PALB2: variants seen among roughly 807,000 people sequenced by gnomAD.
PALB2 encodes the protein mutant partner and localizer of BRCA2.
A neutral mutation model predicts 107.4 loss-of-function variants in PALB2; 82 were observed. The observed-to-expected ratio is 0.76, with a 90% CI of 0.64 to 0.92. PALB2 has a LOEUF of 0.92. PALB2 is among the 40% of genes least tolerant of loss of function. The probability of loss-of-function intolerance (pLI) is 0.00; values close to 1 mark genes in which losing one functional copy is unlikely to be tolerated. For missense variants in PALB2, 1,374 were observed against 1,379.9 expected (o/e 1.00, Z 0.07); for synonymous variants, 489 against 496.8 (o/e 0.98, Z 0.21).
Position 23,615,393 on chromosome 16 carries a change from C to G in PALB2, c.3114-1302G>C, listed in dbSNP as rs550790976. ...GATCATGACTCACCGTAGCCTTGAC[C>G]TCTGAGGCTCAAGCGATCCTCCCAC... On this transcript the variant is annotated intron_variant, in intron 10 of 12. Transcript: ENST00000261584. 7.2e-5 allele frequency among the ~76,000 whole-genome samples: 11 copies of G among 152,200 alleles called. No homozygotes were observed. In the East Asian group the frequency reaches 2.1e-3, roughly 29 times the overall value.
chr16:23,608,680 GGGT>G (rs1463531652), intron 11 of PALB2, among the ~76,000 whole-genome samples: 3 of 151,826 alleles, frequency 2.0e-5, no homozygotes, highest in Non-Finnish European at 2.9e-5. Context: ...CTATGAATAA[GGGT>G]GACCAAAAAA....
rs587782483 is a variant in PALB2, at chr16:23,641,148, G to A, written c.10C>T (p.Pro4Ser). The A allele has an allele frequency of 2.5e-6, 4 of 1,613,078 alleles. No individual in the cohort carries two copies. The highest frequency in any genetic ancestry group is 3.4e-6 in the Non-Finnish European group (4 of 1,179,816). MDE[P>S]PGKPLSCEEK... ...TCACAGCTGAGGGGCTTCCCGGGAG[G>A]CTCGTCCATCGGGCAGGCGACAGAA... Residue 4 changes from proline to serine, a missense_variant, in exon 1 of 13, where the codon CCT becomes TCT. Physicochemically the swap from Pro to Ser is moderately conservative, Grantham distance 74. Transcript: ENST00000261584.
chr16:23,620,693 A>C (rs1487042997), intron 10 of PALB2, among the ~76,000 whole-genome samples: 2 of 152,248 alleles, frequency 1.3e-5, no homozygotes, highest in Admixed American at 1.3e-4. Context: ...TTTAGTTTTA[A>C]ATAGTCTACT....
Position 23,629,787 on chromosome 16 carries a change from C to T in PALB2, c.2367G>A (p.Leu789=), listed in dbSNP as rs780985758. The T allele has an allele frequency of 6.2e-7, 1 of 1,614,180 alleles. No individual in the cohort carries two copies. Residue 789 remains leucine, a synonymous_variant, in exon 5 of 13, where the codon CTG becomes CTA. Transcript: ENST00000261584. ...SGSPAKPHTT[L]QVSGRQGQPT... ...GTTGTCCTTGCCTGCCTGACACTTG[C>T]AGGGTGGTATGTGGTTTTGCTGGGC... is the stretch of plus-strand genomic sequence containing the variant.
chr16:23,630,575 A>G (rs1567219071), intron 4 of PALB2, 106 bp from the exon 5 acceptor site: 2 of 932,184 alleles, frequency 2.1e-6, no homozygotes, highest in East Asian at 2.6e-5. Flanking sequence ...TAAAAGAAAC[A>G]TTTTAATGAA....
chr16:23,640,683 C>CA, intron 1 of PALB2: 1 of 251,760 alleles, frequency 4.0e-6, no homozygotes, highest in East Asian at 5.8e-5. Flanking sequence ...TTCCCTTCTC[C>CA]AAAAAATATA....
At chr16:23,638,181 G>C (rs2142461899) in intron 1 of PALB2, 52 bp from the exon 2 acceptor site, 1 of 1,468,284 alleles carries the variant, frequency 6.8e-7, no homozygotes. Flanking sequence ...GGTGGAGTCA[G>C]AGGGAAGGGA....
chr16:23,619,870 C>G (rs1049342714), intron 10 of PALB2, among the ~76,000 whole-genome samples: 1 of 152,066 alleles, frequency 6.6e-6, no homozygotes, highest in Admixed American at 6.6e-5. Context: ...ACCTCCGCCT[C>G]CTGGGTTCAA....
intron 11 of PALB2, among the ~76,000 whole-genome samples, chr16:23,612,325 CT>C (rs1555458669): frequency 6.6e-6 from 1 of 151,972 alleles, no homozygotes; most frequent in Non-Finnish European, 1.5e-5. Context: ...TCAAGCAATT[CT>C]TCCTGCCTCA....
intron 11 of PALB2, 143 bp downstream of exon 11, chr16:23,613,861 T>G (rs1966630285): frequency 1.5e-6 from 1 of 684,286 alleles, no homozygotes; most frequent in South Asian, 1.6e-5. Flanking sequence ...CATCCTAAAT[T>G]TCAAGAAAGG....
chr16:23,614,103 A>C lies in PALB2; in HGVS notation c.3114-12T>G. 1 of 1,550,326 alleles carries C rather than the reference A, an allele frequency of 6.5e-7. No homozygotes were observed. The highest frequency in any genetic ancestry group is 8.9e-7 in the Non-Finnish European group (1 of 1,123,004). ...CAGTTTTTAAATTCCTTAGATAACA[A>C]AAATAAATAAGCTGATCACATTCTT... On this transcript the variant is annotated splice_polypyrimidine_tract_variant and intron_variant, in intron 10 of 12. Coordinates refer to ENST00000261584, the MANE Select transcript of PALB2 (RefSeq NM_024675.4).
chr16:23,614,776 G>T lies in PALB2; in HGVS notation c.3114-685C>A, dbSNP rs112036598. ...CGCCATTCTCCTGCCTCAGCCTCCC[G>T]AGTAGCTGGGACTACAGGCGCCCGC... On this transcript the variant is annotated intron_variant, in intron 10 of 12. Transcript: ENST00000261584. 3.7e-4 allele frequency among the ~76,000 whole-genome samples: 53 copies of T among 143,996 alleles called. 1 individual carries two copies. In the East Asian group the frequency reaches 8.2e-3, roughly 22 times the overall value. 94.5% of individuals were successfully genotyped at this position (143,996 alleles called of 152,430 possible). A position where few individuals can be genotyped will look rare whatever the true frequency, so the allele number is the denominator to read the frequency against.
intron 1 of PALB2, among the ~76,000 whole-genome samples, 158 bp from the exon 2 acceptor site, chr16:23,638,287 A>G (rs2142462598): frequency 6.6e-6 from 1 of 152,302 alleles, no homozygotes; most frequent in African/African-American, 2.4e-5. Context: ...AGCTCTGACC[A>G]TTTCAGGATC....
At position 23,629,818 on chromosome 16, in the gene PALB2, G is replaced by A. The variant is rs764509489; in HGVS notation, c.2336C>T (p.Ser779Leu). ...LASDTKQFDS[S>L]GSPAKPHTTL... is the part of the protein sequence containing the mutation. ...GGTATGTGGTTTTGCTGGGCTGCCT[G>A]AACTGTCGAATTGTTTAGTATCACT... The change falls in exon 5 of 13, where the codon TCA becomes TTA. Residue 779 changes from serine to leucine, a missense_variant. By Grantham distance (145) the Ser-to-Leu change is moderately radical. Transcript: ENST00000261584. 4.3e-6 allele frequency: 7 copies of A among 1,614,062 alleles called. No homozygotes were observed. The African/African-American group carries it at 5.3e-5, about 12-fold the overall frequency.
intron 9 of PALB2, 141 bp downstream of exon 9, chr16:23,622,828 T>A: frequency 1.1e-6 from 1 of 926,994 alleles, no homozygotes; most frequent in Non-Finnish European, 1.7e-6. Context: ...TTCTATGTCA[T>A]AACCTAGTGT....
chr16:23,640,884 A>G (rs1967217361), intron 1 of PALB2: 2 of 577,704 alleles, frequency 3.5e-6, no homozygotes, highest in Non-Finnish European at 3.1e-6. Context: ...ACTGTTACAC[A>G]TTGTATTAAT....
At position 23,630,056 on chromosome 16, in the gene PALB2, A is replaced by G; in HGVS notation, c.2098T>C (p.Ser700Pro). The change falls in exon 5 of 13, where the codon TCA becomes CCA. Residue 700 changes from serine to proline, a missense_variant. Coordinates refer to ENST00000261584, the MANE Select transcript of PALB2 (RefSeq NM_024675.4). ...QSQHTKTGLS[S>P]SILLYTPLNT... ...AAAGGAGTATAAAGTAATATGGATG[A>G]AGAAAGGCCCGTCTTTGTATGCTGG... The G allele has an allele frequency of 6.2e-7, 1 of 1,614,202 alleles. No homozygotes were observed.
intron 6 of PALB2, among the ~76,000 whole-genome samples, chr16:23,627,703 A>C (rs1044659736): frequency 6.6e-6 from 1 of 152,160 alleles, no homozygotes; most frequent in Non-Finnish European, 1.5e-5. Flanking sequence ...ACAACAACAA[A>C]AAAACACAAC....
rs569951069 is a variant in PALB2 at position 23,609,667 on chromosome 16, G to A, written c.3202-1655C>T. Among the ~76,000 whole-genome samples the A allele has an allele frequency of 3.5e-3, 531 of 152,134 alleles. 1 individual carries two copies. Among genetic ancestry groups the A allele is most frequent in the Middle Eastern group, 0.01 (3 of 294 alleles). The stretch of plus-strand genomic sequence containing the variant: ...CGAGTAGCTGGAACTACAGGCGCCC[G>A]CCACCACGCCCGGCTAATTTTTTGT... On this transcript the variant is annotated intron_variant, in intron 11 of 12. Coordinates refer to ENST00000261584, the MANE Select transcript of PALB2 (RefSeq NM_024675.4).
Sources: gnomAD v4.1 joint callset for allele counts (sites outside exome capture counted in the v4.1 genomes callset) on GRCh38, gnomAD v4.1.1 for gene constraint, MANE v1.5 for transcripts, NCBI Gene and HGNC (gene_info 2026-07-23, HGNC 2026-07-21) for gene names.